PRKG1: variants seen among roughly 807,000 people sequenced by gnomAD.
PRKG1 encodes protein kinase cGMP-dependent 1.
PRKG1 carries 35 observed loss-of-function variants against 88.1 expected under a neutral mutation model. The observed-to-expected ratio is 0.40, with a 90% CI of 0.30 to 0.53. PRKG1 has a LOEUF of 0.53. Among genes scored for constraint, PRKG1 ranks in the 20% least tolerant of loss-of-function variants. The pLI is 0.59. For synonymous variants in PRKG1, 303 were observed against 292.5 expected, an observed-to-expected ratio of 1.04 and a Z score of -0.37; for missense variants, 540 against 839.8, an observed-to-expected ratio of 0.64 and a Z score of 4.41.
chr10:51,678,795 G>A (rs190886876), intron 3 of PRKG1, among the ~76,000 whole-genome samples: 1 of 152,162 alleles, frequency 6.6e-6, no homozygotes, highest in African/African-American at 2.4e-5. Context: ...AGGCAGAGAC[G>A]AGTGTGTCTG....
chr10:51,658,310 C>T (rs1840212282), intron 3 of PRKG1, among the ~76,000 whole-genome samples: 1 of 152,064 alleles, frequency 6.6e-6, no homozygotes, highest in Non-Finnish European at 1.5e-5. Flanking sequence ...CTCTGCCACC[C>T]AATGCAGAAA....
At chr10:52,162,807 T>C (rs1838312407) in intron 9 of PRKG1, among the ~76,000 whole-genome samples, 1 of 152,204 alleles carries the variant, frequency 6.6e-6, no homozygotes, top group South Asian at 2.1e-4. Context: ...TAAAATTATG[T>C]TATTTTCAAA....
chr10:51,198,138 T>C (rs1837818859), intron 2 of PRKG1, among the ~76,000 whole-genome samples: 1 of 152,114 alleles, frequency 6.6e-6, no homozygotes, highest in African/African-American at 2.4e-5. Context: ...AGTCACAGTT[T>C]TGGGCAGGAT....
At chr10:51,556,887 T>G (rs1316769765) in intron 3 of PRKG1, among the ~76,000 whole-genome samples, 2 of 152,064 alleles carry the variant, frequency 1.3e-5, no homozygotes, top group African/African-American at 4.8e-5. Flanking sequence ...ATGTTGAAAT[T>G]ATAAAGAAAA....
chr10:51,538,203 A>C (rs1842206534), intron 3 of PRKG1, among the ~76,000 whole-genome samples: 1 of 152,056 alleles, frequency 6.6e-6, no homozygotes, highest in Non-Finnish European at 1.5e-5. Flanking sequence ...AATCATGTGC[A>C]TAATTTCAAC....
At chr10:51,867,857 A>C (rs547482859) in intron 4 of PRKG1, among the ~76,000 whole-genome samples, 12 of 152,238 alleles carry the variant, frequency 7.9e-5, no homozygotes, top group Non-Finnish European at 1.5e-4. Flanking sequence ...AGAACTTGAG[A>C]GGGTAACAAA....
intron 3 of PRKG1, among the ~76,000 whole-genome samples, chr10:51,667,041 A>T (rs1191354466): frequency 6.6e-6 from 1 of 152,030 alleles, no homozygotes; most frequent in East Asian, 1.9e-4. Flanking sequence ...GGCTCAAGTG[A>T]TCCACCTGCC....
At chr10:51,896,954 T>C (rs942380269) in intron 4 of PRKG1, among the ~76,000 whole-genome samples, 1 of 152,168 alleles carries the variant, frequency 6.6e-6, no homozygotes, top group Non-Finnish European at 1.5e-5. Flanking sequence ...ATTAATAGGT[T>C]GTGGCCATTG....
intron 2 of PRKG1, among the ~76,000 whole-genome samples, chr10:51,388,384 A>T (rs962072778): frequency 6.6e-6 from 1 of 152,216 alleles, no homozygotes; most frequent in Non-Finnish European, 1.5e-5. Context: ...ATTTAAGTCC[A>T]GGACTCTTTT....
intron 3 of PRKG1, among the ~76,000 whole-genome samples, chr10:51,787,754 A>G (rs888401030): frequency 6.6e-6 from 1 of 152,202 alleles, no homozygotes; most frequent in Non-Finnish European, 1.5e-5. Flanking sequence ...GGAAGTTCTT[A>G]TCAAAACAAT....
At chr10:51,703,173 T>A (rs1841515769) in intron 3 of PRKG1, among the ~76,000 whole-genome samples, 2 of 152,188 alleles carry the variant, frequency 1.3e-5, no homozygotes, top group Admixed American at 1.3e-4. Context: ...CTTAGCTAAT[T>A]CCAAATATCA....
At chr10:51,832,303 T>G (rs1285191684) in intron 4 of PRKG1, among the ~76,000 whole-genome samples, 1 of 152,190 alleles carries the variant, frequency 6.6e-6, no homozygotes, top group African/African-American at 2.4e-5. Context: ...GGAGGGAAAC[T>G]GATGTTTATT....
At chr10:52,047,887 G>A (rs1845900889) in intron 5 of PRKG1, among the ~76,000 whole-genome samples, 1 of 151,886 alleles carries the variant, frequency 6.6e-6, no homozygotes, top group Non-Finnish European at 1.5e-5. Flanking sequence ...GAAAGAATAA[G>A]GTACAAACCA....
At chr10:52,048,042 T>C (rs773032501) in intron 5 of PRKG1, among the ~76,000 whole-genome samples, 12 of 152,042 alleles carry the variant, frequency 7.9e-5, no homozygotes, top group Non-Finnish European at 1.5e-4. Context: ...CATACAAAGG[T>C]GGTTTATACT....
intron 10 of PRKG1, chr10:52,252,191 C>T (rs1226011786): frequency 6.5e-6 from 1 of 153,370 alleles, no homozygotes; most frequent in African/African-American, 2.4e-5. Flanking sequence ...GTTTATTTCA[C>T]ACACACTGTC....
intron 5 of PRKG1, among the ~76,000 whole-genome samples, chr10:51,925,120 A>G (rs1842545330): frequency 6.6e-6 from 1 of 150,936 alleles, no homozygotes; most frequent in South Asian, 2.1e-4. Flanking sequence ...GCCTTTTACT[A>G]TGCCTCGTAA....
chr10:51,295,764 GA>G (rs1185351868), intron 2 of PRKG1, among the ~76,000 whole-genome samples: 1 of 152,080 alleles, frequency 6.6e-6, no homozygotes, highest in Admixed American at 6.6e-5. Flanking sequence ...AGAAATTAAA[GA>G]AAAACTTTCA....
intron 2 of PRKG1, among the ~76,000 whole-genome samples, chr10:51,339,246 A>G (rs1220704266): frequency 6.6e-6 from 1 of 152,048 alleles, no homozygotes. Context: ...CTTGCTATGA[A>G]TGGCCAAATA....
intron 7 of PRKG1, among the ~76,000 whole-genome samples, chr10:52,102,535 A>G (rs1449847281): frequency 6.6e-6 from 1 of 150,842 alleles, no homozygotes; most frequent in Non-Finnish European, 1.5e-5. Flanking sequence ...GCATGAATTC[A>G]TAGGATCTGT....
Sources: allele counts gnomAD v4.1 joint callset (sites outside exome capture counted in the v4.1 genomes callset), GRCh38; gene constraint gnomAD v4.1.1; transcripts MANE v1.5; gene names NCBI Gene and HGNC (gene_info 2026-07-23, HGNC 2026-07-21).